The following SLC4A5 variants were observed in gnomAD, a reference collection of about 807,000 sequenced individuals.
SLC4A5 encodes the protein electrogenic sodium bicarbonate cotransporter 4.
SLC4A5 carries 96 observed loss-of-function variants against 120.4 expected under a neutral mutation model. The ratio of observed to expected loss-of-function variants is 0.80; its 90% CI spans 0.68 to 0.94. SLC4A5 has a LOEUF of 0.94. Among genes scored for constraint, SLC4A5 ranks in the 40% least tolerant of loss-of-function variants. SLC4A5 has a pLI of 0.00. For missense variants in SLC4A5, 1,259 were observed against 1,459.5 expected (o/e 0.86, Z 2.24); for synonymous variants, 550 against 571.1 (o/e 0.96, Z 0.53).
chr2:74,328,618 C>G (rs1673275784), intron 4 of SLC4A5, among the ~76,000 whole-genome samples: 1 of 151,924 alleles, frequency 6.6e-6, no homozygotes, highest in African/African-American at 2.4e-5. Flanking sequence ...AAATTGAGGC[C>G]CAGAGAGGGG....
At chr2:74,253,023 G>C in exon 15 of SLC4A5, 2 of 1,614,106 alleles carry the variant, frequency 1.2e-6, no homozygotes, top group Non-Finnish European at 8.5e-7. Flanking sequence ...CGGATATTTG[G>C]GTCCCATTCT....
intron 8 of SLC4A5, among the ~76,000 whole-genome samples, chr2:74,278,722 T>C (rs1671720846): frequency 6.6e-6 from 1 of 152,216 alleles, no homozygotes; most frequent in Non-Finnish European, 1.5e-5. Context: ...AGTTAGATAC[T>C]GGACATAAAA....
rs185896211 is a variant in SLC4A5 at position 74,241,863 on chromosome 2, C to T, written c.2118+131G>A. On this transcript the variant is annotated intron_variant, in intron 20 of 30. Coordinates refer to ENST00000394019, the Ensembl canonical transcript of SLC4A5. The stretch of plus-strand genomic sequence containing the variant: ...TTCATTTACAAAGCTCTGCAGGTGA[C>T]CCTGACGTGCAGCTGGAGTTGACCT... 298 of 674,560 alleles carry T rather than the reference C, an allele frequency of 4.4e-4. 1 individual carries two copies. Among genetic ancestry groups the T allele is most frequent in the East Asian group, 2.7e-4 (8 of 29,096 alleles). The allele number at this position is 674,560 out of a possible 1,614,324, so 41.8% of individuals were successfully genotyped here.
chr2:74,237,958 C>T lies in SLC4A5; in HGVS notation c.2319+1377G>A, dbSNP rs545561015. On this transcript the variant is annotated intron_variant, in intron 21 of 30. Coordinates refer to ENST00000394019, the Ensembl canonical transcript of SLC4A5. ...CTCAACTAAAATTACAAAAATTAGC[C>T]GGGTGTGGTGGCAGGCGCCTGTAGT... 2.6e-5 allele frequency among the ~76,000 whole-genome samples: 4 copies of T among 151,934 alleles called. No individual in the cohort carries two copies. In the South Asian group the frequency reaches 6.3e-4, roughly 24 times the overall value.
chr2:74,326,711 C>T (rs1469667355), intron 5 of SLC4A5, among the ~76,000 whole-genome samples: 4 of 152,060 alleles, frequency 2.6e-5, no homozygotes, highest in African/African-American at 4.8e-5. Context: ...CCTAGCTACT[C>T]GGGAGGCTGA....
chr2:74,307,339 G>T, intron 6 of SLC4A5: 1 of 582,302 alleles, frequency 1.7e-6, no homozygotes. Context: ...CTGGTAATCT[G>T]GGCTTGTAGG....
chr2:74,314,646 T>C (rs1672907224), intron 6 of SLC4A5, among the ~76,000 whole-genome samples: 1 of 152,230 alleles, frequency 6.6e-6, no homozygotes, highest in Non-Finnish European at 1.5e-5. Context: ...AAAATGTTGA[T>C]ATTTGGCATT....
intron 8 of SLC4A5, among the ~76,000 whole-genome samples, chr2:74,270,860 C>T (rs557068072): frequency 2.6e-5 from 4 of 152,246 alleles, no homozygotes; most frequent in Admixed American, 6.5e-5. Flanking sequence ...CGCAGGCAAA[C>T]GTAGCTCACA....
chr2:74,260,470 C>A (rs1033520178), intron 11 of SLC4A5, among the ~76,000 whole-genome samples: 6 of 152,154 alleles, frequency 3.9e-5, no homozygotes, highest in African/African-American at 1.4e-4. Context: ...CAGGATGGAT[C>A]TTTAGTCTGA....
At chr2:74,228,554 C>A (rs1441437891) in intron 25 of SLC4A5, among the ~76,000 whole-genome samples, 3 of 151,998 alleles carry the variant, frequency 2.0e-5, no homozygotes, top group Non-Finnish European at 4.4e-5. Context: ...CGCTTGAATC[C>A]GGGAGATGGA....
chr2:74,324,532 A>T (rs747284709), intron 5 of SLC4A5, among the ~76,000 whole-genome samples: 1 of 152,204 alleles, frequency 6.6e-6, no homozygotes, highest in Non-Finnish European at 1.5e-5. Context: ...GCTGCTGATG[A>T]TGCTGATCCA....
chr2:74,232,360 G>C (rs1670117275), intron 24 of SLC4A5, 109 bp downstream of exon 24: 1 of 1,314,048 alleles, frequency 7.6e-7, no homozygotes, highest in South Asian at 1.4e-5. Flanking sequence ...TGGGCCGTCA[G>C]AGCGGGGGCC....
intron 6 of SLC4A5, among the ~76,000 whole-genome samples, chr2:74,311,263 T>G (rs1229950940): frequency 6.6e-6 from 1 of 152,288 alleles, no homozygotes; most frequent in East Asian, 1.9e-4. Flanking sequence ...TCAGTTTCAT[T>G]GATTTTCTCT....
At chr2:74,252,845 C>G in intron 15 of SLC4A5, 129 bp downstream of exon 15, 1 of 1,128,930 alleles carries the variant, frequency 8.9e-7, no homozygotes. Context: ...GCCTCAGCAT[C>G]CCAAAGTGTT....
intron 5 of SLC4A5, among the ~76,000 whole-genome samples, chr2:74,325,570 A>G (rs1465082362): frequency 2.6e-5 from 4 of 152,238 alleles, no homozygotes; most frequent in African/African-American, 9.6e-5. Flanking sequence ...TATACTGCCC[A>G]CCATAAAAGT....
At chr2:74,261,725 C>T (rs1671142258) in intron 11 of SLC4A5, among the ~76,000 whole-genome samples, 1 of 152,178 alleles carries the variant, frequency 6.6e-6, no homozygotes. Context: ...TGGCATGAGA[C>T]TGCCACCCAG....
intron 8 of SLC4A5, among the ~76,000 whole-genome samples, chr2:74,268,998 G>A (rs1671388709): frequency 6.6e-6 from 1 of 152,236 alleles, no homozygotes; most frequent in African/African-American, 2.4e-5. Flanking sequence ...TCTAATTAGA[G>A]AAGGACTGGG....
chr2:74,295,529 G>A (rs1672301962), intron 7 of SLC4A5, among the ~76,000 whole-genome samples: 3 of 152,094 alleles, frequency 2.0e-5, no homozygotes, highest in African/African-American at 4.8e-5. Flanking sequence ...AGCTACTCGG[G>A]AGGCAGAGGC....
Position 74,280,288 on chromosome 2 carries a change from C to A in SLC4A5, c.401+5485G>T, listed in dbSNP as rs1671772436. 2.0e-5 allele frequency among the ~76,000 whole-genome samples: 3 copies of A among 152,230 alleles called. No individual in the cohort carries two copies. In the South Asian group the frequency reaches 6.2e-4, roughly 32 times the overall value. Reference sequence around the variant, plus strand: ...CCCATCCTTCAGGTCTCAATGTGAACATCTCTTCCTCCTAGAAGCCTTCCT... The same window carrying A: ...CCCATCCTTCAGGTCTCAATGTGAAAATCTCTTCCTCCTAGAAGCCTTCCT... On this transcript the variant is annotated intron_variant, in intron 8 of 30. Coordinates refer to ENST00000394019, the Ensembl canonical transcript of SLC4A5.
Sources: allele counts gnomAD v4.1 joint callset (sites outside exome capture counted in the v4.1 genomes callset), GRCh38; gene constraint gnomAD v4.1.1; transcripts MANE v1.5; gene names NCBI Gene and HGNC (gene_info 2026-07-23, HGNC 2026-07-21).